The following NMD3 variants were observed in gnomAD, a reference collection of about 807,000 sequenced individuals.
The protein encoded by NMD3 is NMD3 ribosome export adaptor, also known as 60S ribosomal export protein NMD3.
In NMD3, 47 loss-of-function variants were observed where a neutral mutation model predicts 73.1. The ratio of observed to expected loss-of-function variants is 0.64; its 90% CI spans 0.51 to 0.82. NMD3 has a LOEUF of 0.82. Among genes scored for constraint, NMD3 ranks in the 40% least tolerant of loss-of-function variants. The pLI is 0.00. For synonymous variants in NMD3, 210 were observed against 194.5 expected (o/e 1.08, Z -0.66); for missense variants, 554 against 612.5 (o/e 0.90, Z 1.01).
chr3:161,223,759 T>C (rs1418355061), intron 2 of NMD3, among the ~76,000 whole-genome samples: 1 of 152,224 alleles, frequency 6.6e-6, no homozygotes, highest in Non-Finnish European at 1.5e-5. Context: ...AAACTGATCT[T>C]ACATATTCTT....
chr3:161,235,723 T>G (rs143101461), intron 7 of NMD3, among the ~76,000 whole-genome samples: 113 of 152,272 alleles, frequency 7.4e-4, no homozygotes, highest in African/African-American at 2.6e-3. Flanking sequence ...TTTTATGATA[T>G]TCACCTCTCA....
chr3:161,228,303 A>G (rs73875456), intron 4 of NMD3, among the ~76,000 whole-genome samples: 1 of 151,788 alleles, frequency 6.6e-6, no homozygotes, highest in African/African-American at 2.4e-5. Flanking sequence ...CAACCCCACA[A>G]ATTTCTGATG....
chr3:161,227,817 A>G (rs1309933905), intron 4 of NMD3, among the ~76,000 whole-genome samples: 1 of 152,134 alleles, frequency 6.6e-6, no homozygotes, highest in East Asian at 1.9e-4. Flanking sequence ...AAAGTTATAT[A>G]TATTCTTTTT....
Position 161,238,164 on chromosome 3 carries a change from A to T in NMD3, c.629A>T (p.Glu210Val). Residue 210 changes from glutamate to valine, a missense_variant, in exon 8 of 16, where the codon GAA becomes GTA. Physicochemically the swap from Glu to Val is moderately radical, Grantham distance 121. Coordinates refer to ENST00000351193, the MANE Select transcript of NMD3 (RefSeq NM_015938.5). ...AAACAACATGCTCAGAAGATGGTCG[A>T]ATTTCTTCAGTGTACAGTTCCCTGT... ...SSKQHAQKMV[E>V]FLQCTVPCRY... 1.2e-6 allele frequency: 2 copies of T among 1,607,608 alleles called. No homozygotes were observed. Among genetic ancestry groups the T allele is most frequent in the Non-Finnish European group, 1.7e-6 (2 of 1,176,786 alleles).
chr3:161,245,594 A>G (rs956678155), intron 11 of NMD3, among the ~76,000 whole-genome samples: 1 of 151,506 alleles, frequency 6.6e-6, no homozygotes, highest in Non-Finnish European at 1.5e-5. Flanking sequence ...GATTCTTTTC[A>G]TAACTTTATT....
At chr3:161,248,475 G>A (rs945818343) in intron 13 of NMD3, among the ~76,000 whole-genome samples, 2 of 152,030 alleles carry the variant, frequency 1.3e-5, no homozygotes, top group Non-Finnish European at 2.9e-5. Context: ...GGGTGATAGA[G>A]CAAGATTCCG....
chr3:161,232,212 C>G (rs1371574579), intron 4 of NMD3, among the ~76,000 whole-genome samples: 3 of 149,340 alleles, frequency 2.0e-5, no homozygotes, highest in African/African-American at 5.0e-5. Context: ...CCCTGTGTAC[C>G]TGGCATCACT....
At chr3:161,226,410 G>A (rs1212779692) in intron 3 of NMD3, among the ~76,000 whole-genome samples, 2 of 152,006 alleles carry the variant, frequency 1.3e-5, no homozygotes, top group Admixed American at 1.3e-4. Flanking sequence ...ATCATACACT[G>A]CACTCCATCC....
At chr3:161,248,332 T>C (rs1019434106) in intron 13 of NMD3, among the ~76,000 whole-genome samples, 1 of 151,618 alleles carries the variant, frequency 6.6e-6, no homozygotes, top group Admixed American at 6.6e-5. Flanking sequence ...TTTACTAAAA[T>C]ACAAAAAATT....
rs1188449821 is a variant in NMD3 at position 161,251,115 on chromosome 3, T to C, written c.*205T>C. On this transcript the variant is annotated 3_prime_UTR_variant, in exon 16 of 16. Transcript: ENST00000351193. Reference sequence around the variant, plus strand: ...TTAGATAAGGAAAGATTATGGAGAATGTAGTTGTTATTGATTTTTGGCAAT... The same window carrying C: ...TTAGATAAGGAAAGATTATGGAGAACGTAGTTGTTATTGATTTTTGGCAAT... 9 of 403,330 alleles carry C rather than the reference T, an allele frequency of 2.2e-5. No homozygotes were observed. The highest frequency in any genetic ancestry group is 4.1e-5 in the Admixed American group (1 of 24,458). The allele number at this position is 403,330 out of a possible 1,614,324, so 25.0% of individuals were successfully genotyped here. A position where few individuals can be genotyped will look rare whatever the true frequency, so the allele number is the denominator to read the frequency against.
At chr3:161,236,140 A>G (rs6775931) in intron 7 of NMD3, among the ~76,000 whole-genome samples, 7,648 of 152,032 alleles carry the variant, frequency 0.05, 500 homozygotes, top group African/African-American at 0.14. Context: ...ACTTATAGCT[A>G]CCTTTTTCCA....
intron 7 of NMD3, among the ~76,000 whole-genome samples, chr3:161,235,783 A>G (rs549528225): frequency 1.3e-5 from 2 of 152,188 alleles, no homozygotes; most frequent in Admixed American, 1.3e-4. Context: ...AAGAAAAACC[A>G]TTTCATCTAG....
In NMD3 at chr3:161,222,005, T is replaced by TACAGAACGATGGAGTATATG. The variant is rs770956696; in HGVS notation, c.-8_12dup. ...TTTTTTTTTAAAAGAACTTAAGGCA[T>TACAGAACGATGGAGTATATG]ACAGAACGATGGAGTATATGGCAGA... On this transcript the variant is annotated 5_prime_UTR_variant, in exon 2 of 16. It adds an upstream start codon to the 5' untranslated region. Coordinates refer to ENST00000351193, the MANE Select transcript of NMD3 (RefSeq NM_015938.5). 2 of 921,334 alleles carry TACAGAACGATGGAGTATATG rather than the reference T, an allele frequency of 2.2e-6. No individual in the cohort carries two copies. Among genetic ancestry groups the TACAGAACGATGGAGTATATG allele is most frequent in the African/African-American group, 3.7e-5 (2 of 53,372 alleles). The allele number at this position is 921,334 out of a possible 1,614,324, so 57.1% of individuals were successfully genotyped here. A position where few individuals can be genotyped will look rare whatever the true frequency, so the allele number is the denominator to read the frequency against.
chr3:161,225,668 C>A (rs557549698), intron 3 of NMD3, among the ~76,000 whole-genome samples: 1 of 152,208 alleles, frequency 6.6e-6, no homozygotes, highest in African/African-American at 2.4e-5. Flanking sequence ...TAACACAAAA[C>A]TGCCTAATGA....
intron 2 of NMD3, 26 bp downstream of exon 2, chr3:161,222,083 C>A (rs1246196943): frequency 6.2e-7 from 1 of 1,602,274 alleles, no homozygotes. Context: ...CTTCCTTCCC[C>A]CTTAAATGTG....
At chr3:161,242,262 C>T (rs556073073) in intron 10 of NMD3, among the ~76,000 whole-genome samples, 2 of 152,152 alleles carry the variant, frequency 1.3e-5, no homozygotes, top group South Asian at 4.1e-4. Flanking sequence ...AGGCACTTAG[C>T]CCTGTGGCAT....
At chr3:161,248,578 A>G (rs1162643169) in intron 13 of NMD3, among the ~76,000 whole-genome samples, 1 of 152,198 alleles carries the variant, frequency 6.6e-6, no homozygotes, top group Admixed American at 6.5e-5. Flanking sequence ...TTCGTTTCAC[A>G]TACATTGTTC....
At chr3:161,237,618 C>T (rs540052609) in intron 7 of NMD3, among the ~76,000 whole-genome samples, 28 of 148,670 alleles carry the variant, frequency 1.9e-4, no homozygotes, top group African/African-American at 6.7e-4. Flanking sequence ...GGGCTCACTG[C>T]AACCTCCGCC....
At chr3:161,224,070 AT>A (rs1490885394) in intron 2 of NMD3, among the ~76,000 whole-genome samples, 4 of 152,164 alleles carry the variant, frequency 2.6e-5, no homozygotes, top group Non-Finnish European at 4.4e-5. Context: ...TTTTAATTAT[AT>A]TTCAGTATCT....
Sources: gnomAD v4.1 joint callset for allele counts (sites outside exome capture counted in the v4.1 genomes callset) on GRCh38, gnomAD v4.1.1 for gene constraint, MANE v1.5 for transcripts, NCBI Gene and HGNC (gene_info 2026-07-23, HGNC 2026-07-21) for gene names.